The following MICU1 variants were observed in gnomAD, a reference collection of about 807,000 sequenced individuals.
The protein encoded by MICU1 is calcium uptake protein 1, mitochondrial.
In MICU1, 45 loss-of-function variants were observed where a neutral mutation model predicts 56.8. The observed-to-expected ratio is 0.79, with a 90% CI of 0.62 to 1.02. The LOEUF (loss-of-function observed/expected upper bound fraction) is 1.02. Among genes scored for constraint, MICU1 ranks in the 50% least tolerant of loss-of-function variants. The pLI is 0.00. For synonymous variants in MICU1, 186 were observed against 195.1 expected, an observed-to-expected ratio of 0.95 and a Z score of 0.39; for missense variants, 504 against 587.1, an observed-to-expected ratio of 0.86 and a Z score of 1.46.
At chr10:72,525,948 G>T (rs1867948772) in intron 5 of MICU1, among the ~76,000 whole-genome samples, 1 of 152,056 alleles carries the variant, frequency 6.6e-6, no homozygotes, top group Non-Finnish European at 1.5e-5. Context: ...CAATCCACAA[G>T]ACTATGTTTT....
intron 6 of MICU1, among the ~76,000 whole-genome samples, chr10:72,497,415 C>A (rs552143602): frequency 6.6e-6 from 1 of 152,076 alleles, no homozygotes; most frequent in Admixed American, 6.6e-5. Flanking sequence ...CATGATAAGA[C>A]GTAAGCATAA....
At chr10:72,577,039 T>C (rs1475709488) in intron 1 of MICU1, among the ~76,000 whole-genome samples, 1 of 152,148 alleles carries the variant, frequency 6.6e-6, no homozygotes, top group Non-Finnish European at 1.5e-5. Flanking sequence ...TGCAGCAACT[T>C]GGATGGAGCT....
At chr10:72,462,391 A>G (rs969481798) in intron 8 of MICU1, among the ~76,000 whole-genome samples, 1 of 151,996 alleles carries the variant, frequency 6.6e-6, no homozygotes, top group East Asian at 1.9e-4. Flanking sequence ...TTACTGAAAC[A>G]TCATCATAAG....
chr10:72,423,898 G>A (rs1431806396), intron 8 of MICU1, among the ~76,000 whole-genome samples: 16 of 152,178 alleles, frequency 1.1e-4, no homozygotes, highest in African/African-American at 2.4e-5. Context: ...GCAATAAAAT[G>A]TTAGGACATT....
intron 10 of MICU1, 54 bp downstream of exon 10, chr10:72,407,875 G>A: frequency 3.4e-6 from 4 of 1,188,566 alleles, no homozygotes; most frequent in Non-Finnish European, 4.9e-6. Flanking sequence ...TCACCTAAGA[G>A]ATTACAGATC....
At chr10:72,535,052 CAG>C (rs1325338359) in intron 4 of MICU1, among the ~76,000 whole-genome samples, 6 of 43,542 alleles carry the variant, frequency 1.4e-4, no homozygotes, top group African/African-American at 4.4e-4. Flanking sequence ...TATTTTGAAA[CAG>C]AGTCTTGCTC....
intron 5 of MICU1, among the ~76,000 whole-genome samples, chr10:72,524,581 A>G (rs1367981070): frequency 6.6e-6 from 1 of 152,196 alleles, no homozygotes; most frequent in Non-Finnish European, 1.5e-5. Context: ...CATATTAAAG[A>G]TAAAGTATGT....
chr10:72,372,731 A>G (rs1862386727), intron 11 of MICU1, among the ~76,000 whole-genome samples: 2 of 151,442 alleles, frequency 1.3e-5, no homozygotes, highest in Admixed American at 6.6e-5. Context: ...GATCCCAGCT[A>G]CTCGGGAGGC....
chr10:72,607,710 A>G (rs549347721), intron 1 of MICU1, among the ~76,000 whole-genome samples: 1 of 151,982 alleles, frequency 6.6e-6, no homozygotes, highest in South Asian at 2.1e-4. Context: ...GAGCTGCTGT[A>G]GCAAATGACC....
chr10:72,485,527 C>T (rs923511394), intron 6 of MICU1, among the ~76,000 whole-genome samples: 6 of 150,284 alleles, frequency 4.0e-5, no homozygotes, highest in African/African-American at 9.8e-5. Flanking sequence ...TCTGTGACGT[C>T]GGTACTATTA....
At chr10:72,491,811 C>T (rs189450338) in intron 6 of MICU1, among the ~76,000 whole-genome samples, 1 of 151,426 alleles carries the variant, frequency 6.6e-6, no homozygotes, top group East Asian at 1.9e-4. Flanking sequence ...TTAATTTCTG[C>T]GTACAGAGAT....
In MICU1 at chr10:72,566,705, C is replaced by T. The variant is rs1406954589; in HGVS notation, c.89G>A (p.Arg30Gln). Residue 30 changes from arginine to glutamine, a missense_variant, in exon 2 of 12, where the codon CGG (arginine) becomes CAG (glutamine). Physicochemically the swap from Arg to Gln is conservative, Grantham distance 43. Coordinates refer to ENST00000361114, the MANE Select transcript of MICU1 (RefSeq NM_001195518.2). ...YHGGSQPIQI[R>Q]RRLMMVAFLG... is the part of the protein sequence containing the mutation. ...GAAAGCCACCATCATTAGTCTTCGC[C>T]GGATCTGGATGGGCTGTGATCCTCC... 1.4e-5 allele frequency: 22 copies of T among 1,612,654 alleles called. No individual in the cohort carries two copies. Among genetic ancestry groups the T allele is most frequent in the East Asian group, 4.5e-5 (2 of 44,836 alleles).
intron 10 of MICU1, among the ~76,000 whole-genome samples, chr10:72,398,813 C>G (rs1564845486): frequency 6.6e-6 from 1 of 151,616 alleles, no homozygotes; most frequent in Non-Finnish European, 1.5e-5. Flanking sequence ...GCCTACCAAC[C>G]AAAAAAAAGT....
Position 72,566,627 on chromosome 10 carries a change from A to C in MICU1, c.161+6T>G, listed in dbSNP as rs771763336. ...CGCAAGAACAAGATGGTTGGATAAC[A>C]CTCACCTCTTCCACAAAAGACCAGT... On this transcript the variant is annotated splice_donor_region_variant and intron_variant, in intron 2 of 11. Transcript: ENST00000361114. 9.9e-6 allele frequency: 16 copies of C among 1,610,378 alleles called. No individual in the cohort carries two copies. Among genetic ancestry groups the C allele is most frequent in the Non-Finnish European group, 1.7e-6 (2 of 1,178,486 alleles).
chr10:72,426,947 G>C (rs1864365795), intron 8 of MICU1, among the ~76,000 whole-genome samples: 1 of 152,118 alleles, frequency 6.6e-6, no homozygotes, highest in Non-Finnish European at 1.5e-5. Context: ...TTGCATATTT[G>C]GAAGAAATTC....
At chr10:72,581,277 T>G (rs983386366) in intron 1 of MICU1, among the ~76,000 whole-genome samples, 2 of 152,190 alleles carry the variant, frequency 1.3e-5, no homozygotes, top group Admixed American at 6.5e-5. Flanking sequence ...ATGATAACAA[T>G]AGCTGCCATG....
At chr10:72,452,754 C>A (rs1453595924) in intron 8 of MICU1, among the ~76,000 whole-genome samples, 11 of 151,936 alleles carry the variant, frequency 7.2e-5, no homozygotes, top group Non-Finnish European at 1.0e-4. Context: ...CATCGCTAGG[C>A]AATGCATACT....
rs373451299 is a variant in MICU1, at chr10:72,404,845, A to G, written c.1180+3084T>C. Among the ~76,000 whole-genome samples the G allele has an allele frequency of 4.1e-4, 62 of 152,344 alleles. 1 individual carries two copies. In the East Asian group the frequency reaches 7.1e-3, roughly 18 times the overall value. ...CAAATACAGCTCAGAAAGAAACAAT[A>G]CTCATCTTACAGAAACTTCTGAAAA... is the stretch of plus-strand genomic sequence containing the variant. On this transcript the variant is annotated intron_variant, in intron 10 of 11. Coordinates refer to ENST00000361114, the MANE Select transcript of MICU1 (RefSeq NM_001195518.2).
At chr10:72,617,597 C>G (rs183686395) in intron 1 of MICU1, among the ~76,000 whole-genome samples, 39 of 152,180 alleles carry the variant, frequency 2.6e-4, no homozygotes, top group Non-Finnish European at 4.9e-4. Context: ...TTTGGGAGGC[C>G]GAGGCGGCAG....
Sources: gnomAD v4.1 joint callset for allele counts (sites outside exome capture counted in the v4.1 genomes callset) on GRCh38, gnomAD v4.1.1 for gene constraint, MANE v1.5 for transcripts, NCBI Gene and HGNC (gene_info 2026-07-23, HGNC 2026-07-21) for gene names.